RPS6KB2: variants seen among roughly 807,000 people sequenced by gnomAD.
RPS6KB2 encodes the protein ribosomal protein S6 kinase beta-2.
A neutral mutation model predicts 58.2 loss-of-function variants in RPS6KB2; 51 were observed. That is an observed-to-expected ratio of 0.88 (90% CI 0.70 to 1.11). The LOEUF is 1.11. Ranked by LOEUF, RPS6KB2 falls within the 50% of genes least tolerant of loss-of-function variation. The probability of loss-of-function intolerance (pLI) is 0.00; values close to 1 mark genes in which losing one functional copy is unlikely to be tolerated. For missense variants in RPS6KB2, 671 were observed against 655.8 expected (o/e 1.02, Z -0.25); for synonymous variants, 293 against 258.6 (o/e 1.13, Z -1.28).
Position 67,435,101 on chromosome 11 carries a change from C to T in RPS6KB2, c.1381C>T (p.Pro461Ser), listed in dbSNP as rs1565149734. The T allele has an allele frequency of 8.7e-6, 14 of 1,608,810 alleles. No homozygotes were observed. Among genetic ancestry groups the T allele is most frequent in the Non-Finnish European group, 1.2e-5 (14 of 1,179,252 alleles). ...LPPPPPSTTA[P>S]LPIRPPSGTK... ...ACCGCCGCCGCCCTCGACCACCGCC[C>T]CTCTCCCCATCCGTCCCCCCTCAGG... Residue 461 changes from proline to serine, a missense_variant, in exon 15 of 15, where the codon CCT becomes TCT. By Grantham distance (74) the Pro-to-Ser change is moderately conservative. Transcript: ENST00000312629.
intron 13 of RPS6KB2, 39 bp from the exon 14 acceptor site, chr11:67,434,543 A>G (rs1864190935): frequency 6.3e-7 from 1 of 1,597,052 alleles, no homozygotes; most frequent in Non-Finnish European, 8.5e-7. Context: ...TAAGGATGGC[A>G]GGCACTGAGT....
intron 1 of RPS6KB2, 88 bp downstream of exon 1, chr11:67,428,711 C>G: frequency 7.8e-7 from 1 of 1,282,844 alleles, no homozygotes; most frequent in South Asian, 1.3e-5. Context: ...ACGCCCAGAG[C>G]GGGCTCCGAC....
chr11:67,434,491 G>GC lies in RPS6KB2; in HGVS notation c.1155+8dup. The GC allele has an allele frequency of 3.1e-6, 5 of 1,609,062 alleles. No individual in the cohort carries two copies. The highest frequency in any genetic ancestry group is 1.3e-5 in the African/African-American group (1 of 74,990). ...TGCCAACCAGGCCTTCCTGGTGAGTGCGGGGGCCTGAGGCCTGTGGGACCA... is the reference window on the plus strand; with the variant it reads ...TGCCAACCAGGCCTTCCTGGTGAGTGCCGGGGGCCTGAGGCCTGTGGGACCA... On this transcript the variant is annotated splice_region_variant and intron_variant, in intron 13 of 14. Coordinates refer to ENST00000312629, the MANE Select transcript of RPS6KB2 (RefSeq NM_003952.3).
Position 67,435,220 on chromosome 11 carries a change from G to C in RPS6KB2, c.*51G>C. On this transcript the variant is annotated 3_prime_UTR_variant, in exon 15 of 15. Coordinates refer to ENST00000312629, the MANE Select transcript of RPS6KB2 (RefSeq NM_003952.3). Reference sequence around the variant, plus strand: ...CCTTGAGCCCTGTCCCTGCGGCTGTGAGAGCAGCAGGACCCTGGGCCAGTT... The same window carrying C: ...CCTTGAGCCCTGTCCCTGCGGCTGTCAGAGCAGCAGGACCCTGGGCCAGTT... The C allele has an allele frequency of 6.9e-7, 1 of 1,444,088 alleles. No homozygotes were observed. The highest frequency in any genetic ancestry group is 9.2e-7 in the Non-Finnish European group (1 of 1,085,854). 89.5% of individuals were successfully genotyped at this position (1,444,088 alleles called of 1,614,324 possible). A position where few individuals can be genotyped will look rare whatever the true frequency, so the allele number is the denominator to read the frequency against.
At position 67,428,600 on chromosome 11, in the gene RPS6KB2, G is replaced by A. The variant is rs1228214271; in HGVS notation, c.55G>A (p.Gly19Ser). Residue 19 changes from glycine to serine, a missense_variant, in exon 1 of 15, where the codon GGC (glycine) becomes AGC (serine). Gly to Ser is a moderately conservative substitution (Grantham distance 56). Coordinates refer to ENST00000312629, the MANE Select transcript of RPS6KB2 (RefSeq NM_003952.3). ...GACGGAGGAAGGCAGCGAGGGCGAG[G>A]GCGAGCCAGAGCTCAGCCCCGCGGT... Reference protein sequence around the residue: ...LETEEGSEGEGEPELSPADAC... With the variant: ...LETEEGSEGESEPELSPADAC... 7.4e-6 allele frequency: 12 copies of A among 1,610,960 alleles called. No homozygotes were observed. The highest frequency in any genetic ancestry group is 1.3e-5 in the African/African-American group (1 of 74,878).
At position 67,428,638 on chromosome 11, in the gene RPS6KB2, C is replaced by G. The variant is rs1863919694; in HGVS notation, c.78+15C>G. 1 of 1,598,780 alleles carries G rather than the reference C, an allele frequency of 6.3e-7. No individual in the cohort carries two copies. Among genetic ancestry groups the G allele is most frequent in the Non-Finnish European group, 8.5e-7 (1 of 1,173,012 alleles). On this transcript the variant is annotated intron_variant, in intron 1 of 14. Transcript: ENST00000312629. ...TCAGCCCCGCGGTGAGTGCCCTGCCCTGGCGCGACTGGATCCTGGAGCCGA... is the reference window on the plus strand; with the variant it reads ...TCAGCCCCGCGGTGAGTGCCCTGCCGTGGCGCGACTGGATCCTGGAGCCGA...
rs1226895607 is a variant in RPS6KB2 at position 67,435,221 on chromosome 11, A to G, written c.*52A>G. ...CTTGAGCCCTGTCCCTGCGGCTGTG[A>G]GAGCAGCAGGACCCTGGGCCAGTTC... On this transcript the variant is annotated 3_prime_UTR_variant, in exon 15 of 15. Transcript: ENST00000312629. 6.9e-7 allele frequency: 1 copy of G among 1,448,388 alleles called. No homozygotes were observed. The highest frequency in any genetic ancestry group is 9.2e-7 in the Non-Finnish European group (1 of 1,090,130). The allele number at this position is 1,448,388 out of a possible 1,614,324, so 89.7% of individuals were successfully genotyped here.
chr11:67,435,075 C>A lies in RPS6KB2; in HGVS notation c.1355C>A (p.Pro452Gln). The A allele has an allele frequency of 6.2e-7, 1 of 1,611,510 alleles. No homozygotes were observed. The highest frequency in any genetic ancestry group is 1.1e-5 in the South Asian group (1 of 91,058). Residue 452 changes from proline (P) to glutamine (Q), a missense_variant, in exon 15 of 15, where the codon CCA (proline) becomes CAA (glutamine). By Grantham distance (76) the Pro-to-Gln change is moderately conservative. Coordinates refer to ENST00000312629, the MANE Select transcript of RPS6KB2 (RefSeq NM_003952.3). ...GAGCTACCTCTACCTCCACTCCTGC[C>A]ACCGCCGCCGCCCTCGACCACCGCC... ...PTELPLPPLL[P>Q]PPPPSTTAPL... is the part of the protein sequence containing the mutation.
chr11:67,435,090 C>T lies in RPS6KB2; in HGVS notation c.1370C>T (p.Ser457Leu), dbSNP rs1052688. 6.2e-6 allele frequency: 10 copies of T among 1,609,928 alleles called. No homozygotes were observed. The highest frequency in any genetic ancestry group is 3.3e-5 in the Admixed American group (2 of 59,916). The stretch of plus-strand genomic sequence containing the variant: ...CCACTCCTGCCACCGCCGCCGCCCT[C>T]GACCACCGCCCCTCTCCCCATCCGT... Reference protein sequence around the residue: ...LPPLLPPPPPSTTAPLPIRPP... With the variant: ...LPPLLPPPPPLTTAPLPIRPP... Residue 457 changes from serine (S) to leucine (L), a missense_variant, in exon 15 of 15, where the codon TCG (serine) becomes TTG (leucine). Physicochemically the swap from Ser to Leu is moderately radical, Grantham distance 145 (BLOSUM62 -2). Transcript: ENST00000312629.
At chr11:67,434,772 T>C in intron 14 of RPS6KB2, 78 bp downstream of exon 14, 1 of 1,202,208 alleles carries the variant, frequency 8.3e-7, no homozygotes, top group East Asian at 2.4e-5. Context: ...TTGGGTGCCT[T>C]GGCCACGTCT....
chr11:67,434,874 G>T (rs1199475528), intron 14 of RPS6KB2, 115 bp from the exon 15 acceptor site: 20 of 1,126,442 alleles, frequency 1.8e-5, no homozygotes, highest in Non-Finnish European at 2.6e-5. Context: ...GGGAGTTTGT[G>T]GAGCCCGCGG....
At position 67,431,227 on chromosome 11, in the gene RPS6KB2, A is replaced by C. The variant is rs1590972271; in HGVS notation, c.310-141A>C. 7 of 693,100 alleles carry C rather than the reference A, an allele frequency of 1.0e-5. No individual in the cohort carries two copies. In the East Asian group the frequency reaches 1.9e-4, roughly 19 times the overall value. The allele number at this position is 693,100 out of a possible 1,614,324, so 42.9% of individuals were successfully genotyped here. A position where few individuals can be genotyped will look rare whatever the true frequency, so the allele number is the denominator to read the frequency against. ...CTATTTTTAGTAGAGATGGGGTTTC[A>C]CCATGTTGGCCAGGCTGGTCTCAAA... is the stretch of plus-strand genomic sequence containing the variant. On this transcript the variant is annotated intron_variant, in intron 4 of 14. Coordinates refer to ENST00000312629, the MANE Select transcript of RPS6KB2 (RefSeq NM_003952.3).
At position 67,429,708 on chromosome 11, in the gene RPS6KB2, G is replaced by A. The variant is rs989173786; in HGVS notation, c.309+113G>A. On this transcript the variant is annotated intron_variant, in intron 4 of 14. Transcript: ENST00000312629. The stretch of plus-strand genomic sequence containing the variant: ...GTGGAGGAGGATCCCTGACTTTGGC[G>A]TTTGCTGGTTTATTGTCTGTTGTGA... 85 of 844,172 alleles carry A rather than the reference G, an allele frequency of 1.0e-4. 1 individual carries two copies. The highest frequency in any genetic ancestry group is 9.4e-4 in the African/African-American group (56 of 59,762). 52.3% of individuals were successfully genotyped at this position (844,172 alleles called of 1,614,324 possible).
In RPS6KB2 at chr11:67,433,292, G is replaced by T. The variant is rs70937038; in HGVS notation, c.799-48G>T. On this transcript the variant is annotated intron_variant, in intron 9 of 14. Transcript: ENST00000312629. ...GCCCCCCTCCTGGGGCAAGGGCAGG[G>T]CCTGGTGGGAGGCCCACAAGGCTCC... 5.8e-4 allele frequency: 939 copies of T among 1,606,272 alleles called. 9 individuals carry two copies. The East Asian group carries it at 0.019, about 33-fold the overall frequency.
At position 67,433,201 on chromosome 11, in the gene RPS6KB2, C is replaced by CATGCTCACTGG; in HGVS notation, c.786_796dup (p.Ser266CysfsTer43). ...GGAGCCTGGGGGCCCTGATGTACGA[C>CATGCTCACTGG]ATGCTCACTGGATCGGCAAGTCCAG... On this transcript the variant is annotated frameshift_variant, in exon 9 of 15. Coordinates refer to ENST00000312629, the MANE Select transcript of RPS6KB2 (RefSeq NM_003952.3). LOFTEE classifies it high-confidence loss of function. The CATGCTCACTGG allele has an allele frequency of 1.9e-6, 3 of 1,606,618 alleles. No individual in the cohort carries two copies. The highest frequency in any genetic ancestry group is 2.5e-6 in the Non-Finnish European group (3 of 1,178,904).
At chr11:67,430,505 C>T (rs907769495) in intron 4 of RPS6KB2, 1 of 151,596 alleles carries the variant, frequency 6.6e-6, no homozygotes, top group Non-Finnish European at 1.5e-5. Context: ...TCATGTTGGT[C>T]AGGCTGGTCT....
chr11:67,431,677 C>G (rs1365848281), intron 5 of RPS6KB2, 162 bp downstream of exon 5: 3 of 626,110 alleles, frequency 4.8e-6, no homozygotes, highest in African/African-American at 1.8e-5. Flanking sequence ...TGCATCCGTC[C>G]CATCATTCAT....
intron 9 of RPS6KB2, 56 bp downstream of exon 9, chr11:67,433,272 C>G (rs556970078): frequency 2.5e-6 from 4 of 1,603,876 alleles, no homozygotes; most frequent in East Asian, 4.5e-5. Context: ...GAGTAGCCCC[C>G]CTCCTGGGGC....
chr11:67,433,943 G>T, intron 10 of RPS6KB2, 52 bp from the exon 11 acceptor site: 1 of 1,603,778 alleles, frequency 6.2e-7, no homozygotes, highest in Non-Finnish European at 8.5e-7. Context: ...GGGACCCGGG[G>T]ACACATGAGC....
Sources: allele counts gnomAD v4.1 joint callset, GRCh38; gene constraint gnomAD v4.1.1; transcripts MANE v1.5; gene names NCBI Gene and HGNC (gene_info 2026-07-23, HGNC 2026-07-21).